Variants in FERMT2 observed in about 807,000 individuals in gnomAD.
FERMT2 encodes the protein FERM domain containing kindlin 2.
FERMT2 carries 15 observed loss-of-function variants against 82.7 expected under a neutral mutation model. That is an observed-to-expected ratio of 0.18 (90% CI 0.12 to 0.28). The LOEUF (loss-of-function observed/expected upper bound fraction) is 0.28. Ranked by LOEUF, FERMT2 falls within the 10% of genes least tolerant of loss-of-function variation. The pLI, the probability that FERMT2 is intolerant of heterozygous loss-of-function variation, is 1.00. For synonymous variants in FERMT2, 274 were observed against 271.5 expected (o/e 1.01, Z -0.09); for missense variants, 645 against 809.4 (o/e 0.80, Z 2.46).
chr14:52,901,735 A>AT (rs1434844197), intron 3 of FERMT2, among the ~76,000 whole-genome samples: 1 of 152,158 alleles, frequency 6.6e-6, no homozygotes, highest in Non-Finnish European at 1.5e-5. Flanking sequence ...AAAGAACCAA[A>AT]TTCTACCAAG....
At position 52,864,400 on chromosome 14, in the gene FERMT2, C is replaced by G; in HGVS notation, c.1602+1G>C. Reference sequence around the variant, plus strand: ...TAGATGAAGTAAAATGAAGTAAGTACCTGCTTGTTCTTATACTTTTTTAGA... The same window carrying G: ...TAGATGAAGTAAAATGAAGTAAGTAGCTGCTTGTTCTTATACTTTTTTAGA... On this transcript the variant is annotated splice_donor_variant, in intron 12 of 14. Coordinates refer to ENST00000341590, the MANE Select transcript of FERMT2 (RefSeq NM_006832.3). LOFTEE classifies it high-confidence loss of function. 6.2e-7 allele frequency: 1 copy of G among 1,605,582 alleles called. No homozygotes were observed. Among genetic ancestry groups the G allele is most frequent in the Non-Finnish European group, 8.5e-7 (1 of 1,172,402 alleles).
intron 3 of FERMT2, among the ~76,000 whole-genome samples, chr14:52,917,798 G>T (rs1888699405): frequency 6.6e-6 from 1 of 152,132 alleles, no homozygotes; most frequent in African/African-American, 2.4e-5. Flanking sequence ...ACAAGAAATG[G>T]GTGAGGATTC....
Position 52,870,992 on chromosome 14 carries a change from G to A in FERMT2, c.1273+1807C>T, listed in dbSNP as rs1438311667. Among the ~76,000 whole-genome samples the A allele has an allele frequency of 3.9e-5, 6 of 152,252 alleles. No homozygotes were observed. In the South Asian group the frequency reaches 8.3e-4, roughly 21 times the overall value. Reference sequence around the variant, plus strand: ...GCCTTATCTACAAAAATATGTGTACGTACAAATGTACCCAAAGAAGAGATG... The same window carrying A: ...GCCTTATCTACAAAAATATGTGTACATACAAATGTACCCAAAGAAGAGATG... On this transcript the variant is annotated intron_variant, in intron 10 of 14. Transcript: ENST00000341590.
In FERMT2 at chr14:52,865,158, C is replaced by T. The variant is rs1005350571; in HGVS notation, c.1274-305G>A. On this transcript the variant is annotated intron_variant, in intron 10 of 14. Coordinates refer to ENST00000341590, the MANE Select transcript of FERMT2 (RefSeq NM_006832.3). ...CCAACATGGTGAAACCATGTCTCTACTAAATACAAAAAATTAGCCGGGGGT... is the reference window on the plus strand; with the variant it reads ...CCAACATGGTGAAACCATGTCTCTATTAAATACAAAAAATTAGCCGGGGGT... Among the ~76,000 whole-genome samples the T allele has an allele frequency of 2.6e-5, 4 of 152,098 alleles. No individual in the cohort carries two copies. In the South Asian group the frequency reaches 8.3e-4, roughly 31 times the overall value.
chr14:52,926,159 C>G (rs114217980), intron 2 of FERMT2, among the ~76,000 whole-genome samples: 1 of 18,550 alleles, frequency 5.4e-5, no homozygotes. Context: ...AAAATACTTA[C>G]GAATAATGGC....
intron 3 of FERMT2, among the ~76,000 whole-genome samples, chr14:52,893,953 T>C (rs1287728416): frequency 6.6e-6 from 1 of 151,888 alleles, no homozygotes. Flanking sequence ...CTCAGCCTCC[T>C]GAACAGCTGG....
chr14:52,901,030 G>A (rs1478687642), intron 3 of FERMT2, among the ~76,000 whole-genome samples: 1 of 149,912 alleles, frequency 6.7e-6, no homozygotes, highest in African/African-American at 2.5e-5. Context: ...GGAGGCCGAG[G>A]CGGGCGGATC....
At chr14:52,923,361 C>T (rs539678839) in intron 2 of FERMT2, among the ~76,000 whole-genome samples, 43 of 152,126 alleles carry the variant, frequency 2.8e-4, no homozygotes, top group African/African-American at 9.2e-4. Flanking sequence ...GACTGCATGG[C>T]GGCCCACAAA....
At chr14:52,945,252 T>G (rs566451936) in intron 2 of FERMT2, among the ~76,000 whole-genome samples, 6 of 151,924 alleles carry the variant, frequency 3.9e-5, no homozygotes, top group African/African-American at 1.2e-4. Context: ...TGTTTTTTTT[T>G]TGTGGGTTGG....
chr14:52,859,507 T>G (rs1478247451), intron 14 of FERMT2, 66 bp downstream of exon 14: 4 of 1,352,238 alleles, frequency 3.0e-6, no homozygotes, highest in Non-Finnish European at 3.9e-6. Flanking sequence ...ATAGGCCTTT[T>G]TATTCTTAAT....
chr14:52,919,149 G>A lies in FERMT2; in HGVS notation c.365C>T (p.Ala122Val). ...KVNFSDRVFK[A>V]VSDICKTFNI... Reference sequence around the variant, plus strand: ...AAAAGTCTTACAGATGTCAGAAACAGCTTTGAAGACTCTATCAGAGAAATT... The same window carrying A: ...AAAAGTCTTACAGATGTCAGAAACAACTTTGAAGACTCTATCAGAGAAATT... Residue 122 changes from alanine to valine, a missense_variant, in exon 3 of 15, where the codon GCT becomes GTT. Physicochemically the swap from Ala to Val is moderately conservative, Grantham distance 64. Transcript: ENST00000341590. 1 of 1,612,654 alleles carries A rather than the reference G, an allele frequency of 6.2e-7. No homozygotes were observed. The highest frequency in any genetic ancestry group is 1.7e-5 in the Admixed American group (1 of 59,958).
intron 2 of FERMT2, among the ~76,000 whole-genome samples, chr14:52,919,866 G>C (rs1455203141): frequency 6.6e-6 from 1 of 151,938 alleles, no homozygotes; most frequent in East Asian, 1.9e-4. Context: ...GGAGGAACAG[G>C]GAAAACACCC....
intron 3 of FERMT2, among the ~76,000 whole-genome samples, chr14:52,905,736 G>T (rs1444424475): frequency 3.9e-5 from 6 of 152,204 alleles, no homozygotes; most frequent in Non-Finnish European, 1.5e-5. Context: ...TTGCCTGGAG[G>T]AAGGGCAGAA....
At chr14:52,897,815 AAAAAT>A (rs1887377170) in intron 3 of FERMT2, among the ~76,000 whole-genome samples, 1 of 152,016 alleles carries the variant, frequency 6.6e-6, no homozygotes. Flanking sequence ...CGTCTCTACT[AAAAAT>A]ACAAAATTAG....
chr14:52,921,026 T>A (rs144216962), intron 2 of FERMT2, among the ~76,000 whole-genome samples: 1 of 152,162 alleles, frequency 6.6e-6, no homozygotes, highest in Non-Finnish European at 1.5e-5. Context: ...CATTTTAATA[T>A]AGTCGTACCT....
intron 3 of FERMT2, among the ~76,000 whole-genome samples, chr14:52,895,095 C>A (rs750724707): frequency 6.6e-6 from 1 of 152,098 alleles, no homozygotes; most frequent in Non-Finnish European, 1.5e-5. Flanking sequence ...TATGACCAAG[C>A]AGCACATGAA....
intron 3 of FERMT2, among the ~76,000 whole-genome samples, chr14:52,896,851 C>G (rs1214585051): frequency 6.6e-6 from 1 of 151,814 alleles, no homozygotes; most frequent in Non-Finnish European, 1.5e-5. Flanking sequence ...TTTAAATTAG[C>G]CAGGCATAGT....
rs1389510178 is a variant in FERMT2 at position 52,858,524 on chromosome 14, T to C, written c.1896A>G (p.Val632=). The C allele has an allele frequency of 5.0e-6, 8 of 1,614,018 alleles. No homozygotes were observed. In the Admixed American group the frequency reaches 1.2e-4, roughly 24 times the overall value. The change falls in exon 15 of 15, where the codon GTA becomes GTG. Residue 632 remains valine, a synonymous_variant. Transcript: ENST00000341590. ...CTTCAGTACAAATGAAGGACAATCG[T>C]ACTTCATCTGCAAACTCTACGGTGA... ...KMVTVEFADE[V]RLSFICTEVD... is the part of the protein sequence containing the mutation.
chr14:52,947,907 G>A (rs1273995681), intron 2 of FERMT2, among the ~76,000 whole-genome samples: 1 of 152,170 alleles, frequency 6.6e-6, no homozygotes, highest in African/African-American at 2.4e-5. Context: ...TGCTGCTACT[G>A]AACATTATCT....
Sources: gnomAD v4.1 joint callset for allele counts (sites outside exome capture counted in the v4.1 genomes callset) on GRCh38, gnomAD v4.1.1 for gene constraint, MANE v1.5 for transcripts, NCBI Gene and HGNC (gene_info 2026-07-23, HGNC 2026-07-21) for gene names.